Variants in KCNH1 observed in about 807,000 individuals in gnomAD.
KCNH1 encodes the protein voltage-gated delayed rectifier potassium channel KCNH1.
A neutral mutation model predicts 69.2 loss-of-function variants in KCNH1; 27 were observed. The ratio of observed to expected loss-of-function variants is 0.39; its 90% CI spans 0.29 to 0.54. The LOEUF is 0.54. Among genes scored for constraint, KCNH1 ranks in the 20% least tolerant of loss-of-function variants. The pLI is 0.68. For synonymous variants in KCNH1, 456 were observed against 487.7 expected (o/e 0.93, Z 0.86); for missense variants, 798 against 1,261.6 (o/e 0.63, Z 5.57).
chr1:210,920,751 ACT>A (rs1483298724), intron 6 of KCNH1, among the ~76,000 whole-genome samples: 1 of 152,132 alleles, frequency 6.6e-6, no homozygotes, highest in Admixed American at 6.6e-5. Context: ...AAGAAATGAG[ACT>A]CTGGTTCCTC....
chr1:211,047,570 A>C (rs1031714466), intron 5 of KCNH1, among the ~76,000 whole-genome samples: 1 of 152,220 alleles, frequency 6.6e-6, no homozygotes. Flanking sequence ...ACCTTGAGCA[A>C]GTCAAGATCT....
intron 5 of KCNH1, among the ~76,000 whole-genome samples, chr1:211,062,898 A>C (rs1690455148): frequency 6.6e-6 from 1 of 152,198 alleles, no homozygotes; most frequent in African/African-American, 2.4e-5. Context: ...AACGATTTGG[A>C]GATTCCTCAA....
intron 6 of KCNH1, among the ~76,000 whole-genome samples, chr1:210,965,729 G>T (rs534014245): frequency 1.7e-4 from 26 of 152,154 alleles, no homozygotes; most frequent in Admixed American, 1.0e-3. Context: ...AAGGAAATAA[G>T]AGAGGACATA....
chr1:211,054,034 C>T (rs891230143), intron 5 of KCNH1, among the ~76,000 whole-genome samples: 1 of 152,100 alleles, frequency 6.6e-6, no homozygotes, highest in East Asian at 1.9e-4. Flanking sequence ...CTTTGGGAGG[C>T]CAAGGCAGGC....
At chr1:210,982,939 C>T (rs1688743192) in intron 6 of KCNH1, among the ~76,000 whole-genome samples, 1 of 152,118 alleles carries the variant, frequency 6.6e-6, no homozygotes. Flanking sequence ...CTGCTGTTTC[C>T]TGACTTTTTA....
intron 7 of KCNH1, chr1:210,861,659 C>T: frequency 3.9e-6 from 3 of 772,124 alleles, no homozygotes; most frequent in Non-Finnish European, 7.3e-6. Context: ...ATATACTGAA[C>T]AAGATCATAG....
intron 7 of KCNH1, among the ~76,000 whole-genome samples, chr1:210,807,205 G>A (rs1477432391): frequency 1.3e-5 from 2 of 151,942 alleles, no homozygotes; most frequent in African/African-American, 4.8e-5. Context: ...TCAAAATACA[G>A]AATTCTTCTA....
intron 6 of KCNH1, among the ~76,000 whole-genome samples, chr1:211,009,228 T>G (rs1181302800): frequency 6.6e-6 from 1 of 152,172 alleles, no homozygotes; most frequent in Admixed American, 6.5e-5. Flanking sequence ...TAGATTTGGC[T>G]ACATGGACAT....
At chr1:210,718,540 A>ATATATT (rs1190023312) in intron 10 of KCNH1, among the ~76,000 whole-genome samples, 3 of 61,178 alleles carry the variant, frequency 4.9e-5, no homozygotes, top group African/African-American at 1.6e-4. Flanking sequence ...AAATATATAC[A>ATATATT]TATATGTATA....
intron 7 of KCNH1, among the ~76,000 whole-genome samples, chr1:210,809,667 A>G (rs1237468185): frequency 2.0e-5 from 3 of 152,132 alleles, no homozygotes; most frequent in Non-Finnish European, 4.4e-5. Flanking sequence ...GACTAGCCAG[A>G]ACCACTCTGT....
At chr1:210,693,800 G>A (rs1464968100) in intron 10 of KCNH1, among the ~76,000 whole-genome samples, 1 of 152,096 alleles carries the variant, frequency 6.6e-6, no homozygotes. Flanking sequence ...CCTGCACTAG[G>A]TCCCTGAGGG....
At chr1:211,111,284 C>T (rs937748512) in intron 1 of KCNH1, among the ~76,000 whole-genome samples, 5 of 152,196 alleles carry the variant, frequency 3.3e-5, no homozygotes, top group African/African-American at 1.2e-4. Context: ...AAAACCAAAC[C>T]CACCGCCTCT....
rs1286304147 is a variant in KCNH1, at chr1:211,111,553, G to A, written c.80-4176C>T. Among the ~76,000 whole-genome samples the A allele has an allele frequency of 1.6e-4, 14 of 85,212 alleles. No individual in the cohort carries two copies. In the South Asian group the frequency reaches 2.8e-3, roughly 17 times the overall value. The allele number at this position is 85,212 out of a possible 152,430, so 55.9% of individuals were successfully genotyped here. ...GAGGAGCACCTCTGCCCGGCCCCCC[G>A]CCCCGTCTGGGAAGTGAGGAGCGCC... is the stretch of plus-strand genomic sequence containing the variant. On this transcript the variant is annotated intron_variant, in intron 1 of 10. Coordinates refer to ENST00000271751, the MANE Select transcript of KCNH1 (RefSeq NM_172362.3).
intron 7 of KCNH1, among the ~76,000 whole-genome samples, chr1:210,894,899 A>C (rs2102527521): frequency 6.6e-6 from 1 of 152,298 alleles, no homozygotes; most frequent in Admixed American, 6.5e-5. Context: ...TAGTAGCAGA[A>C]AACAGGCCAA....
intron 2 of KCNH1, among the ~76,000 whole-genome samples, chr1:211,105,943 A>G (rs940647396): frequency 2.6e-5 from 4 of 152,244 alleles, no homozygotes; most frequent in Non-Finnish European, 5.9e-5. Context: ...GATTTAAGAA[A>G]GTGGAAATAT....
At chr1:211,041,759 G>T (rs2102432383) in intron 5 of KCNH1, among the ~76,000 whole-genome samples, 1 of 152,022 alleles carries the variant, frequency 6.6e-6, no homozygotes, top group Non-Finnish European at 1.5e-5. Context: ...TGGCTTTTTT[G>T]TTGTTGTTTT....
chr1:210,732,692 A>G (rs2149032198), intron 10 of KCNH1, among the ~76,000 whole-genome samples: 1 of 152,320 alleles, frequency 6.6e-6, no homozygotes, highest in African/African-American at 2.4e-5. Flanking sequence ...CCAAAAACCA[A>G]GGTGCTGGCA....
At chr1:211,068,268 T>C (rs994622993) in intron 5 of KCNH1, among the ~76,000 whole-genome samples, 4 of 152,234 alleles carry the variant, frequency 2.6e-5, no homozygotes, top group Admixed American at 2.0e-4. Context: ...GAGCTATGGA[T>C]GGAGAACACA....
chr1:210,917,241 A>G (rs375400562), intron 7 of KCNH1, among the ~76,000 whole-genome samples: 1 of 142,854 alleles, frequency 7.0e-6, no homozygotes, highest in African/African-American at 2.7e-5. Flanking sequence ...GAAAGAAAGA[A>G]AGAAAGAAAG....
Sources: gnomAD v4.1 joint callset for allele counts (sites outside exome capture counted in the v4.1 genomes callset) on GRCh38, gnomAD v4.1.1 for gene constraint, MANE v1.5 for transcripts, NCBI Gene and HGNC (gene_info 2026-07-23, HGNC 2026-07-21) for gene names.